The following SLC25A23 variants were observed in gnomAD, a reference collection of about 807,000 sequenced individuals.
SLC25A23 encodes the protein solute carrier family 25 member 23, also known as mitochondrial adenyl nucleotide antiporter SLC25A23.
Under a neutral mutation model 53.9 loss-of-function variants are expected in SLC25A23, and 32 were observed. The ratio of observed to expected loss-of-function variants is 0.59; its 90% CI spans 0.45 to 0.80. The LOEUF (loss-of-function observed/expected upper bound fraction) is 0.80, where lower values mean the gene tolerates loss of function less well. Among genes scored for constraint, SLC25A23 ranks in the 30% least tolerant of loss-of-function variants. The probability of loss-of-function intolerance (pLI) is 0.00; values close to 1 mark genes in which losing one functional copy is unlikely to be tolerated. For synonymous variants in SLC25A23, 275 were observed against 264.5 expected (o/e 1.04, Z -0.38); for missense variants, 575 against 651.4 (o/e 0.88, Z 1.28).
At chr19:6,443,550 C>T (rs2092457462) in intron 9 of SLC25A23, 8 of 701,860 alleles carry the variant, frequency 1.1e-5, no homozygotes, top group Non-Finnish European at 2.1e-5. Context: ...TTATACAACC[C>T]TAAATCAATA....
rs1168349949 is a variant in SLC25A23 at position 6,459,662 on chromosome 19, G to A, written c.-34C>T. ...CCCGGGGGGGAGGGGAGGCCCGGCA[G>A]CGGCGGCCTCAGTGGGGGCTTCGCG... On this transcript the variant is annotated 5_prime_UTR_variant, in exon 1 of 10. Transcript: ENST00000301454. This position sits in a 1 kb window ranked among gnomAD's most constrained non-coding sequence, Gnocchi z 4.6. 1.5e-6 allele frequency: 2 copies of A among 1,324,180 alleles called. No homozygotes were observed. The highest frequency in any genetic ancestry group is 4.0e-5 in the Admixed American group (1 of 24,722). The allele number at this position is 1,324,180 out of a possible 1,614,324, so 82.0% of individuals were successfully genotyped here. A position where few individuals can be genotyped will look rare whatever the true frequency, so the allele number is the denominator to read the frequency against.
Position 6,454,373 on chromosome 19 carries a change from C to T in SLC25A23, c.745G>A (p.Val249Ile). 6.2e-7 allele frequency: 1 copy of T among 1,614,202 alleles called. No individual in the cohort carries two copies. The highest frequency in any genetic ancestry group is 1.3e-5 in the African/African-American group (1 of 75,068). The part of the protein sequence containing the change: ...RSLWRGNGIN[V>I]LKIAPESAIK... ...GCTGACTCGGGGGCAATCTTGAGTACATTAATACCATTGCCGCGCCACAGG... is the reference window on the plus strand; with the variant it reads ...GCTGACTCGGGGGCAATCTTGAGTATATTAATACCATTGCCGCGCCACAGG... The change falls in exon 6 of 10, where the codon GTA (valine) becomes ATA (isoleucine). Residue 249 changes from valine (V) to isoleucine (I), a missense_variant. Transcript: ENST00000301454. This position sits in a 1 kb window ranked among gnomAD's most constrained non-coding sequence, Gnocchi z 4.3.
downstream of SLC25A23, chr19:6,436,512 A>G (rs766141283): frequency 8.6e-5 from 39 of 451,854 alleles, 1 homozygote; most frequent in South Asian, 5.9e-4. Context: ...AGAGAGAGAG[A>G]GCATGTAACC....
At chr19:6,450,228 C>T (rs74585960) in intron 8 of SLC25A23, among the ~76,000 whole-genome samples, 12,843 of 151,902 alleles carry the variant, frequency 0.085, 1,283 homozygotes, top group African/African-American at 0.24. Context: ...TCAGTCCCCC[C>T]CAGACACCTA....
At chr19:6,457,475 T>G in intron 3 of SLC25A23, 28 bp downstream of exon 3, 4 of 1,604,294 alleles carry the variant, frequency 2.5e-6, no homozygotes, top group Non-Finnish European at 3.4e-6. Context: ...CCTGAGTTAC[T>G]TTGGATTCCA....
At chr19:6,439,384 A>C (rs1192643099), downstream of SLC25A23, among the ~76,000 whole-genome samples, 7 of 137,806 alleles carry the variant, frequency 5.1e-5, no homozygotes, top group African/African-American at 1.9e-4. Context: ...GTGAGATCCT[A>C]TCTCTCTCTC....
chr19:6,455,707 G>GTTTTTTTTTTT lies in SLC25A23; in HGVS notation c.483+702_483+712dup, dbSNP rs529957147. Among the ~76,000 whole-genome samples the GTTTTTTTTTTT allele has an allele frequency of 1.2e-3, 144 of 124,928 alleles. 2 individuals are homozygous for GTTTTTTTTTTT. The highest frequency in any genetic ancestry group is 4.3e-3 in the African/African-American group (141 of 32,610). 82.0% of individuals were successfully genotyped at this position (124,928 alleles called of 152,430 possible). A position where few individuals can be genotyped will look rare whatever the true frequency, so the allele number is the denominator to read the frequency against. On this transcript the variant is annotated intron_variant, in intron 4 of 9. Coordinates refer to ENST00000301454, the MANE Select transcript of SLC25A23 (RefSeq NM_024103.3). ...TCCCATTGGATCCTCTGAAGACCGT[G>GTTTTTTTTTTT]TTTTTTTTTTTTTTTTTTTTTTTTT...
intron 8 of SLC25A23, among the ~76,000 whole-genome samples, chr19:6,445,694 C>T (rs2092492951): frequency 6.6e-6 from 1 of 152,074 alleles, no homozygotes; most frequent in African/African-American, 2.4e-5. Flanking sequence ...TCGTGTTGTT[C>T]TAAGACACTA....
intron 9 of SLC25A23, 32 bp downstream of exon 9, chr19:6,444,119 C>A (rs369631634): frequency 6.6e-7 from 1 of 1,520,522 alleles, no homozygotes; most frequent in Non-Finnish European, 8.9e-7. Flanking sequence ...CGATGAGACT[C>A]CCCCTGCCCC....
In SLC25A23 at chr19:6,442,024, T is replaced by C. The variant is rs1370137375; in HGVS notation, c.1358A>G (p.Tyr453Cys). The C allele has an allele frequency of 1.2e-6, 2 of 1,613,832 alleles. No homozygotes were observed. Among genetic ancestry groups the C allele is most frequent in the East Asian group, 2.2e-5 (1 of 44,862 alleles). ...CTGCTTCATGTTCTCGTAGACCACA[T>C]AGGAGATGCTCACAGCTGGAATAAC... Reference protein sequence around the residue: ...MKVIPAVSISYVVYENMKQAL... With the variant: ...MKVIPAVSISCVVYENMKQAL... Residue 453 changes from tyrosine to cysteine, a missense_variant, in exon 10 of 10, where the codon TAT becomes TGT. By Grantham distance (194) the Tyr-to-Cys change is radical. Coordinates refer to ENST00000301454, the MANE Select transcript of SLC25A23 (RefSeq NM_024103.3).
Position 6,459,661 on chromosome 19 carries a change from A to C in SLC25A23, c.-33T>G. On this transcript the variant is annotated 5_prime_UTR_variant, in exon 1 of 10. Transcript: ENST00000301454. This position sits in a 1 kb window ranked among gnomAD's most constrained non-coding sequence, Gnocchi z 4.6. ...GCCCGGGGGGGAGGGGAGGCCCGGC[A>C]GCGGCGGCCTCAGTGGGGGCTTCGC... 7.5e-7 allele frequency: 1 copy of C among 1,324,764 alleles called. No homozygotes were observed. Among genetic ancestry groups the C allele is most frequent in the Non-Finnish European group, 9.6e-7 (1 of 1,044,882 alleles). 82.1% of individuals were successfully genotyped at this position (1,324,764 alleles called of 1,614,324 possible).
At chr19:6,455,896 A>G (rs1388031602) in intron 4 of SLC25A23, 2 of 617,632 alleles carry the variant, frequency 3.2e-6, no homozygotes, top group Non-Finnish European at 4.9e-6. Context: ...TTTTTTTAAT[A>G]TTTTTGTAGA....
rs529957147 is a variant in SLC25A23 at position 6,455,707 on chromosome 19, G to GTTTT, written c.483+709_483+712dup. Among the ~76,000 whole-genome samples, 73 of 124,928 alleles carry GTTTT rather than the reference G, an allele frequency of 5.8e-4. 1 individual carries two copies. Among genetic ancestry groups the GTTTT allele is most frequent in the East Asian group, 3.9e-3 (14 of 3,584 alleles). The allele number at this position is 124,928 out of a possible 152,430, so 82.0% of individuals were successfully genotyped here. A position where few individuals can be genotyped will look rare whatever the true frequency, so the allele number is the denominator to read the frequency against. ...TCCCATTGGATCCTCTGAAGACCGT[G>GTTTT]TTTTTTTTTTTTTTTTTTTTTTTTT... On this transcript the variant is annotated intron_variant, in intron 4 of 9. Transcript: ENST00000301454.
chr19:6,454,602 C>A lies in SLC25A23; in HGVS notation c.599G>T (p.Arg200Leu). 6.2e-7 allele frequency: 1 copy of A among 1,613,698 alleles called. No individual in the cohort carries two copies. The highest frequency in any genetic ancestry group is 8.5e-7 in the Non-Finnish European group (1 of 1,180,002). Residue 200 changes from arginine (R) to leucine (L), a missense_variant, in exon 5 of 10, where the codon CGG (arginine) becomes CTG (leucine). Coordinates refer to ENST00000301454, the MANE Select transcript of SLC25A23 (RefSeq NM_024103.3). This position sits in a 1 kb window ranked among gnomAD's most constrained non-coding sequence, Gnocchi z 4.3. ...GCGGTCCAGAGGGGCCGTGCCTGTC[C>A]GTGACACGGCACCTGCCACTGCGCC... ...VAGAVAGAVS[R>L]TGTAPLDRLK...
Position 6,444,172 on chromosome 19 carries a change from G to C in SLC25A23, c.1201C>G (p.Arg401Gly), listed in dbSNP as rs374577579. 2 of 1,593,222 alleles carry C rather than the reference G, an allele frequency of 1.3e-6. No homozygotes were observed. Among genetic ancestry groups the C allele is most frequent in the Non-Finnish European group, 1.7e-6 (2 of 1,169,308 alleles). The change falls in exon 9 of 10, where the codon CGG becomes GGG. Residue 401 changes from arginine to glycine, a missense_variant. Coordinates refer to ENST00000301454, the MANE Select transcript of SLC25A23 (RefSeq NM_024103.3). ...TCACCTTGTGCCTGCATGCGGGTCC[G>C]GACCAGGGCCAGCGGGTAACTGGCT... ...QIASYPLALVRTRMQAQASIE... is the reference protein window; with the variant it reads ...QIASYPLALVGTRMQAQASIE...
chr19:6,444,335 T>TTGGGGGG, intron 8 of SLC25A23, 34 bp from the exon 9 acceptor site: 1 of 826,960 alleles, frequency 1.2e-6, no homozygotes, highest in Non-Finnish European at 1.9e-6. Flanking sequence ...AGGGTTGGGG[T>TTGGGGGG]GGGTGACCCT....
Position 6,454,824 on chromosome 19 carries a change from C to T in SLC25A23, c.484-107G>A. 7.5e-7 allele frequency: 1 copy of T among 1,338,360 alleles called. No homozygotes were observed. Among genetic ancestry groups the T allele is most frequent in the Non-Finnish European group, 1.0e-6 (1 of 977,304 alleles). The allele number at this position is 1,338,360 out of a possible 1,614,324, so 82.9% of individuals were successfully genotyped here. On this transcript the variant is annotated intron_variant, in intron 4 of 9. Transcript: ENST00000301454. The surrounding 1 kb of genome is among the most constrained non-coding windows in gnomAD (Gnocchi z 4.3). ...TATGAATCCTAGGATACCCTAGAGT[C>T]TGCCAATGACTCTTGCTTGGAGACC...
chr19:6,456,938 A>G (rs886602508), intron 3 of SLC25A23, among the ~76,000 whole-genome samples: 2 of 152,086 alleles, frequency 1.3e-5, no homozygotes, highest in Non-Finnish European at 2.9e-5. Flanking sequence ...TCGGCCTTCC[A>G]AAGTGGCAGG....
downstream of SLC25A23, chr19:6,436,294 C>T (rs2860181): frequency 0.52 from 201,005 of 389,640 alleles, 54,183 homozygotes; most frequent in East Asian, 0.7. Context: ...CCAGTTGTTT[C>T]GGTGGAGGGA....
Sources: gnomAD v4.1 joint callset for allele counts (sites outside exome capture counted in the v4.1 genomes callset) on GRCh38, gnomAD v4.1.1 for gene constraint, Gnocchi (gnomAD v3.1) non-coding constraint, MANE v1.5 for transcripts, NCBI Gene and HGNC (gene_info 2026-07-23, HGNC 2026-07-21) for gene names.